Variants in SATL1 observed in about 807,000 individuals in gnomAD.
SATL1 encodes spermidine/spermine N1-acetyl transferase like 1.
In SATL1, 47 loss-of-function variants were observed where a neutral mutation model predicts 51.8. The ratio of observed to expected loss-of-function variants is 0.91; its 90% CI spans 0.72 to 1.16. The LOEUF is 1.16. Among genes scored for constraint, SATL1 ranks in the 50% most tolerant of loss-of-function variants. SATL1 has a pLI of 0.00. For missense variants in SATL1, 520 were observed against 526.4 expected, an observed-to-expected ratio of 0.99 and a Z score of 0.12; for synonymous variants, 176 against 182.4, an observed-to-expected ratio of 0.97 and a Z score of 0.28.
intron 2 of SATL1, among the ~76,000 whole-genome samples, chrX:85,151,495 G>C (rs984699664): frequency 9.0e-6 from 1 of 111,328 alleles, no homozygotes. Context: ...CCAAAAAGGA[G>C]CCTGCATTGC....
chrX:85,206,312 T>C (rs1927790151), intron 2 of SATL1, among the ~76,000 whole-genome samples: 1 of 111,759 alleles, frequency 8.9e-6, no homozygotes, highest in Non-Finnish European at 1.9e-5. Flanking sequence ...AGCCCTTAGA[T>C]ACTTCAACAC....
chrX:85,238,482 T>G (rs1360760786), intron 1 of SATL1, among the ~76,000 whole-genome samples: 3 of 111,726 alleles, frequency 2.7e-5, no homozygotes, highest in Non-Finnish European at 5.7e-5. Flanking sequence ...TTCCATGCTC[T>G]CACTTATTTG....
chrX:85,151,272 C>A (rs1224668164), intron 2 of SATL1, among the ~76,000 whole-genome samples: 3 of 110,373 alleles, frequency 2.7e-5, no homozygotes, highest in African/African-American at 9.9e-5. Context: ...ATGTGAAGGA[C>A]CTCTTCAAGG....
At chrX:85,123,118 C>A (rs1001649632) in intron 2 of SATL1, among the ~76,000 whole-genome samples, 10 of 111,616 alleles carry the variant, frequency 9.0e-5, no homozygotes, top group Admixed American at 4.8e-4. Flanking sequence ...CTACAATGAA[C>A]ATATGTGTGC....
chrX:85,153,322 T>C lies in SATL1; in HGVS notation c.-312-44042A>G, dbSNP rs764665332. On this transcript the variant is annotated intron_variant, in intron 2 of 7. Transcript: ENST00000644105. ...TGCGAGGAAACACTCAGGTTGCAGG[T>C]ATGGAACTGGAAGCCTAGGCCTCTT... Among the ~76,000 whole-genome samples, 22 of 111,571 alleles carry C rather than the reference T, an allele frequency of 2.0e-4. No individual in the cohort carries two copies. The South Asian group carries it at 7.1e-3, about 36-fold the overall frequency.
chrX:85,243,245 T>C (rs1928679926), intron 1 of SATL1, among the ~76,000 whole-genome samples: 2 of 112,793 alleles, frequency 1.8e-5, no homozygotes, highest in Admixed American at 1.9e-4. Context: ...CAAATGCTTA[T>C]AGAATTAAAG....
At position 85,136,229 on chromosome X, in the gene SATL1, T is replaced by C. The variant is rs149520320; in HGVS notation, c.-312-26949A>G. Reference sequence around the variant, plus strand: ...GTTCAGCTTCAGTCATATAAAATTTTAGGTGTCTTTGAAATTTCCAAGCAG... The same window carrying C: ...GTTCAGCTTCAGTCATATAAAATTTCAGGTGTCTTTGAAATTTCCAAGCAG... On this transcript the variant is annotated intron_variant, in intron 2 of 7. Coordinates refer to ENST00000644105, the MANE Select transcript of SATL1 (RefSeq NM_001367857.2). Among the ~76,000 whole-genome samples the C allele has an allele frequency of 5.3e-3, 591 of 110,646 alleles. 3 individuals carry two copies. The highest frequency in any genetic ancestry group is 0.018 in the African/African-American group (553 of 30,435).
intron 2 of SATL1, among the ~76,000 whole-genome samples, chrX:85,158,167 C>A (rs1926637731): frequency 9.1e-6 from 1 of 110,144 alleles, no homozygotes; most frequent in South Asian, 3.8e-4. Context: ...ATTCAGCTAG[C>A]TCACACACAC....
chrX:85,225,118 G>A lies in SATL1; in HGVS notation c.-434-792C>T, dbSNP rs745852636. Among the ~76,000 whole-genome samples the A allele has an allele frequency of 2.7e-5, 3 of 111,862 alleles. No homozygotes were observed. The South Asian group carries it at 1.1e-3, about 41-fold the overall frequency. ...TAGTGGTTGTCAGAGATTGAGTTAGGGGGGTGGGAGAAAAGTAGGTGTGGT... is the reference window on the plus strand; with the variant it reads ...TAGTGGTTGTCAGAGATTGAGTTAGAGGGGTGGGAGAAAAGTAGGTGTGGT... On this transcript the variant is annotated intron_variant, in intron 1 of 7. Transcript: ENST00000644105.
At chrX:85,169,858 C>T (rs895489451) in intron 2 of SATL1, among the ~76,000 whole-genome samples, 1 of 111,406 alleles carries the variant, frequency 9.0e-6, no homozygotes, top group African/African-American at 3.3e-5. Context: ...ATGGCAAAGA[C>T]ATGAAATCAA....
chrX:85,210,131 C>T (rs1446045502), intron 2 of SATL1: 4 of 104,694 alleles, frequency 3.8e-5, no homozygotes, highest in African/African-American at 1.4e-4. Context: ...AGAAACCTGC[C>T]TTCACTAACT....
intron 2 of SATL1, among the ~76,000 whole-genome samples, chrX:85,222,987 C>T (rs2073413006): frequency 8.9e-6 from 1 of 111,956 alleles, no homozygotes; most frequent in African/African-American, 3.2e-5. Context: ...TTAGAATGGC[C>T]TTGATATAAC....
intron 2 of SATL1, among the ~76,000 whole-genome samples, chrX:85,168,518 C>T (rs898405185): frequency 1.8e-5 from 2 of 111,316 alleles, no homozygotes; most frequent in East Asian, 5.7e-4. Flanking sequence ...GAATGAACTC[C>T]CATTTACAAT....
intron 2 of SATL1, among the ~76,000 whole-genome samples, chrX:85,162,311 A>T (rs1461825830): frequency 9.0e-6 from 1 of 111,477 alleles, no homozygotes; most frequent in Non-Finnish European, 1.9e-5. Context: ...CCAAAACCAG[A>T]GATGAACTGA....
At chrX:85,184,490 G>A (rs1279273564) in intron 2 of SATL1, among the ~76,000 whole-genome samples, 1 of 111,249 alleles carries the variant, frequency 9.0e-6, no homozygotes, top group African/African-American at 3.3e-5. Context: ...CTATTTTCTA[G>A]ATGTGTAGGT....
At chrX:85,190,947 T>G (rs1927422948) in intron 2 of SATL1, among the ~76,000 whole-genome samples, 1 of 87,166 alleles carries the variant, frequency 1.1e-5, no homozygotes, top group South Asian at 6.8e-4. Context: ...ATGGGGAACA[T>G]CAGACACCGT....
intron 2 of SATL1, among the ~76,000 whole-genome samples, chrX:85,165,766 GA>G (rs963819799): frequency 9.0e-6 from 1 of 111,358 alleles, no homozygotes; most frequent in Non-Finnish European, 1.9e-5. Flanking sequence ...ATCCCCCATT[GA>G]AAAAATAATT....
chrX:85,140,940 C>G (rs1602862513), intron 2 of SATL1, among the ~76,000 whole-genome samples: 1 of 111,710 alleles, frequency 9.0e-6, no homozygotes, highest in Non-Finnish European at 1.9e-5. Context: ...AACAAGAAGT[C>G]TTAAGTTAGG....
intron 2 of SATL1, among the ~76,000 whole-genome samples, chrX:85,111,027 G>A (rs1181654173): frequency 1.8e-5 from 2 of 112,723 alleles, no homozygotes; most frequent in Non-Finnish European, 3.8e-5. Flanking sequence ...ACAAAACAAG[G>A]AAAACCCAGT....
Sources: allele counts gnomAD v4.1 joint callset (sites outside exome capture counted in the v4.1 genomes callset), GRCh38; gene constraint gnomAD v4.1.1; transcripts MANE v1.5; gene names NCBI Gene and HGNC (gene_info 2026-07-23, HGNC 2026-07-21).